The following GNE variants were observed in gnomAD, a reference collection of about 807,000 sequenced individuals.
The protein encoded by GNE is glucosamine (UDP-N-acetyl)-2-epimerase/N-acetylmannosamine kinase, also known as bifunctional UDP-N-acetylglucosamine 2-epimerase/N-acetylmannosamine kinase.
GNE carries 41 observed loss-of-function variants against 61.8 expected under a neutral mutation model. The observed-to-expected ratio is 0.66, with a 90% CI of 0.52 to 0.86. GNE has a LOEUF of 0.86. GNE is among the 40% of genes least tolerant of loss of function. The probability of loss-of-function intolerance (pLI) is 0.00; values close to 1 mark genes in which losing one functional copy is unlikely to be tolerated. For synonymous variants in GNE, 264 were observed against 326.4 expected (o/e 0.81, Z 2.06); for missense variants, 608 against 909.1 (o/e 0.67, Z 4.26).
intron 1 of GNE, among the ~76,000 whole-genome samples, chr9:36,256,595 G>A (rs1830362546): frequency 6.6e-6 from 1 of 152,038 alleles, no homozygotes; most frequent in Non-Finnish European, 1.5e-5. Context: ...ACTCAAGACC[G>A]TCCATTATAA....
At chr9:36,264,449 A>T (rs12379347) in intron 1 of GNE, among the ~76,000 whole-genome samples, 1 of 151,940 alleles carries the variant, frequency 6.6e-6, no homozygotes, top group Non-Finnish European at 1.5e-5. Flanking sequence ...TCCTCTTTTT[A>T]AAAAAGATGC....
At chr9:36,269,343 C>T (rs1050080665) in intron 1 of GNE, among the ~76,000 whole-genome samples, 1 of 151,726 alleles carries the variant, frequency 6.6e-6, no homozygotes, top group African/African-American at 2.4e-5. Flanking sequence ...CAGAAATTGG[C>T]TCACTCTCAA....
At chr9:36,221,535 T>TA (rs1333507615) in intron 9 of GNE, among the ~76,000 whole-genome samples, 1 of 151,818 alleles carries the variant, frequency 6.6e-6, no homozygotes, top group Admixed American at 6.6e-5. Context: ...TGGGATGTCA[T>TA]AAAAAAATGA....
intron 1 of GNE, among the ~76,000 whole-genome samples, chr9:36,268,646 G>A (rs1404310660): frequency 6.6e-6 from 1 of 151,918 alleles, no homozygotes; most frequent in East Asian, 1.9e-4. Flanking sequence ...TCAGCCTGGG[G>A]GACAGAGTGA....
intron 3 of GNE, among the ~76,000 whole-genome samples, chr9:36,243,570 C>T (rs959109025): frequency 2.0e-5 from 3 of 152,094 alleles, no homozygotes; most frequent in African/African-American, 7.2e-5. Context: ...GGGCCAGGTG[C>T]GGTGGCTCAT....
At chr9:36,256,503 C>CTTT (rs1206366710) in intron 1 of GNE, among the ~76,000 whole-genome samples, 1 of 152,102 alleles carries the variant, frequency 6.6e-6, no homozygotes, top group Non-Finnish European at 1.5e-5. Context: ...CATTGGCCTC[C>CTTT]CAAAGTGCTG....
Position 36,265,032 on chromosome 9 carries a change from C to A in GNE, c.51+11862G>T, listed in dbSNP as rs545248401. 5 of 282,954 alleles carry A rather than the reference C, an allele frequency of 1.8e-5. No homozygotes were observed. The East Asian group carries it at 4.3e-4, about 24-fold the overall frequency. 17.5% of individuals were successfully genotyped at this position (282,954 alleles called of 1,614,324 possible). A position where few individuals can be genotyped will look rare whatever the true frequency, so the allele number is the denominator to read the frequency against. On this transcript the variant is annotated intron_variant, in intron 1 of 11. Coordinates refer to the GNE transcript ENST00000396594. Reference sequence around the variant, plus strand: ...CGTTGTCCACCACTGCTGTTTGCCGCAGTCGCAGACCCGCCGCTGACTTCC... The same window carrying A: ...CGTTGTCCACCACTGCTGTTTGCCGAAGTCGCAGACCCGCCGCTGACTTCC...
chr9:36,236,182 T>TTA (rs1275647137), intron 4 of GNE, among the ~76,000 whole-genome samples: 1 of 152,154 alleles, frequency 6.6e-6, no homozygotes, highest in East Asian at 1.9e-4. Flanking sequence ...AATCACTACT[T>TTA]TTCTAGAGAT....
chr9:36,255,072 G>C (rs1459012920), intron 1 of GNE, among the ~76,000 whole-genome samples: 1 of 152,228 alleles, frequency 6.6e-6, no homozygotes, highest in Non-Finnish European at 1.5e-5. Flanking sequence ...TGGCCAGCTT[G>C]CTCTCAGTTT....
At chr9:36,274,823 C>A (rs994491338) in intron 1 of GNE, among the ~76,000 whole-genome samples, 4 of 114,280 alleles carry the variant, frequency 3.5e-5, no homozygotes, top group Non-Finnish European at 7.7e-5. Flanking sequence ...CCCGGGTTCA[C>A]GCCATTCTCC....
intron 1 of GNE, among the ~76,000 whole-genome samples, chr9:36,263,888 T>A (rs2133181243): frequency 6.6e-6 from 1 of 152,306 alleles, no homozygotes; most frequent in Middle Eastern, 3.4e-3. Context: ...ACAATGGTAA[T>A]TAGCTAATGT....
chr9:36,243,035 C>G (rs945804605), intron 3 of GNE, among the ~76,000 whole-genome samples: 7 of 152,086 alleles, frequency 4.6e-5, no homozygotes, highest in African/African-American at 1.7e-4. Context: ...CCACTGGCAC[C>G]TGGCCAAAAC....
chr9:36,240,117 C>T (rs148248260), intron 3 of GNE, among the ~76,000 whole-genome samples: 24 of 152,166 alleles, frequency 1.6e-4, no homozygotes, highest in African/African-American at 5.3e-4. Context: ...CAAAGAGTGA[C>T]GGTTTGACTT....
At position 36,217,531 on chromosome 9, in the gene GNE, G is replaced by A. The variant is rs1258671706; in HGVS notation, c.2003C>T (p.Ser668Phe). 3 of 1,614,060 alleles carry A rather than the reference G, an allele frequency of 1.9e-6. No homozygotes were observed. Among genetic ancestry groups the A allele is most frequent in the Non-Finnish European group, 2.5e-6 (3 of 1,179,988 alleles). The part of the protein sequence containing the change: ...HTMNPSLVIL[S>F]GVLASHYIHI... ...GATATAGTGACTGGCCAGGACTCCG[G>A]AGAGGATCACAAGGGAGGGATTCAT... is the stretch of plus-strand genomic sequence containing the variant. Residue 668 changes from serine to phenylalanine, a missense_variant, in exon 12 of 12, where the codon TCC becomes TTC. Ser to Phe is a radical substitution (Grantham distance 155, BLOSUM62 -2). Coordinates refer to ENST00000642385, the MANE Select transcript of GNE (RefSeq NM_005476.7).
chr9:36,259,700 G>A (rs1437654615), upstream of GNE, among the ~76,000 whole-genome samples: 3 of 152,074 alleles, frequency 2.0e-5, no homozygotes, highest in Non-Finnish European at 2.9e-5. Flanking sequence ...CCACTCTATC[G>A]CCCAGGCTGG....
chr9:36,229,723 A>G (rs1239055532), intron 5 of GNE, among the ~76,000 whole-genome samples: 1 of 152,156 alleles, frequency 6.6e-6, no homozygotes, highest in African/African-American at 2.4e-5. Flanking sequence ...AAGATCACTC[A>G]TGGATAGGTC....
intron 5 of GNE, among the ~76,000 whole-genome samples, chr9:36,233,698 T>C (rs1036120814): frequency 6.6e-6 from 1 of 152,042 alleles, no homozygotes; most frequent in African/African-American, 2.4e-5. Flanking sequence ...CACTTAGTGC[T>C]AATTGATATT....
At chr9:36,245,958 A>G in intron 3 of GNE, 73 bp downstream of exon 3, 4 of 1,213,424 alleles carry the variant, frequency 3.3e-6, no homozygotes, top group Non-Finnish European at 4.8e-6. Context: ...AATAGTTTCC[A>G]AAAGGATTGA....
intron 4 of GNE, among the ~76,000 whole-genome samples, chr9:36,234,947 A>G (rs1260423690): frequency 6.6e-6 from 1 of 152,196 alleles, no homozygotes; most frequent in Non-Finnish European, 1.5e-5. Context: ...CTCTATATAC[A>G]GTCTTGCCAG....
Sources: allele counts gnomAD v4.1 joint callset (sites outside exome capture counted in the v4.1 genomes callset), GRCh38; gene constraint gnomAD v4.1.1; transcripts MANE v1.5; gene names NCBI Gene and HGNC (gene_info 2026-07-23, HGNC 2026-07-21).